The following SORCS1 variants were observed in gnomAD, a reference collection of about 807,000 sequenced individuals.
SORCS1 encodes the protein sortilin related VPS10 domain containing receptor 1, also known as VPS10 domain-containing receptor SorCS1.
In SORCS1, 60 loss-of-function variants were observed where a neutral mutation model predicts 146.1. The observed-to-expected ratio is 0.41, with a 90% confidence interval of 0.33 to 0.51. SORCS1 has a LOEUF of 0.51. Among genes scored for constraint, SORCS1 ranks in the 20% least tolerant of loss-of-function variants. The pLI is 0.21. For missense variants in SORCS1, 1,352 were observed against 1,487.6 expected, an observed-to-expected ratio of 0.91 and a Z score of 1.50; for synonymous variants, 637 against 584.0, an observed-to-expected ratio of 1.09 and a Z score of -1.31.
At chr10:106,688,614 A>T (rs1473610705) in intron 9 of SORCS1, among the ~76,000 whole-genome samples, 1 of 152,144 alleles carries the variant, frequency 6.6e-6, no homozygotes, top group African/African-American at 2.4e-5. Flanking sequence ...AGGAGCCCGC[A>T]GTTGCCAAGA....
rs961953918 is a variant in SORCS1 at position 106,677,458 on chromosome 10, G to C, written c.1741-54C>G. 1.3e-5 allele frequency: 20 copies of C among 1,485,092 alleles called. No individual in the cohort carries two copies. The Admixed American group carries it at 1.4e-4, about 10-fold the overall frequency. 92.0% of individuals were successfully genotyped at this position (1,485,092 alleles called of 1,614,324 possible). ...CACATCCACATCCACACATACCCAG[G>C]CTTCAGAGAATCAGTCTTCACATGA... is the stretch of plus-strand genomic sequence containing the variant. On this transcript the variant is annotated intron_variant, in intron 12 of 25. Coordinates refer to ENST00000263054, the MANE Select transcript of SORCS1 (RefSeq NM_052918.5).
intron 1 of SORCS1, among the ~76,000 whole-genome samples, chr10:106,984,013 A>C (rs1956346594): frequency 6.6e-6 from 1 of 152,240 alleles, no homozygotes; most frequent in Non-Finnish European, 1.5e-5. Context: ...CCAGTTATTA[A>C]AAAATTGTAA....
chr10:106,666,071 A>G (rs912446191), intron 17 of SORCS1, among the ~76,000 whole-genome samples: 1 of 152,110 alleles, frequency 6.6e-6, no homozygotes, highest in Admixed American at 6.6e-5. Context: ...CGATCTCCTG[A>G]CCTTGTGATC....
intron 18 of SORCS1, 35 bp from the exon 19 acceptor site, chr10:106,629,423 A>G (rs1438654102): frequency 6.2e-7 from 1 of 1,606,966 alleles, no homozygotes; most frequent in Non-Finnish European, 8.5e-7. Flanking sequence ...GAAATGAGTT[A>G]GTATTCGGCT....
intron 8 of SORCS1, among the ~76,000 whole-genome samples, chr10:106,706,016 T>C (rs1231971579): frequency 6.6e-6 from 1 of 152,094 alleles, no homozygotes; most frequent in East Asian, 1.9e-4. Context: ...CAACTGATAA[T>C]CAAATGGGAC....
chr10:106,888,271 T>C (rs918905965), intron 2 of SORCS1, among the ~76,000 whole-genome samples: 13 of 152,230 alleles, frequency 8.5e-5, no homozygotes, highest in African/African-American at 3.1e-4. Context: ...TCTAACTTCA[T>C]AGTCTCCTTA....
chr10:106,728,399 GC>G (rs1856359021), intron 6 of SORCS1, among the ~76,000 whole-genome samples: 1 of 152,170 alleles, frequency 6.6e-6, no homozygotes, highest in East Asian at 1.9e-4. Context: ...ACCAGAGCGA[GC>G]CCCCTGAGGA....
intron 3 of SORCS1, among the ~76,000 whole-genome samples, chr10:106,778,209 T>C (rs1039872271): frequency 6.6e-6 from 1 of 152,114 alleles, no homozygotes; most frequent in African/African-American, 2.4e-5. Flanking sequence ...AATTTAAGGT[T>C]CCTTGCTGTT....
the SORCS1 span, among the ~76,000 whole-genome samples, chr10:107,177,590 A>ATTTTT: frequency 6.6e-6 from 1 of 152,170 alleles, no homozygotes; most frequent in Non-Finnish European, 1.5e-5. Context: ...TGCTAAAATA[A>ATTTTT]TTAATTTTTT....
At chr10:106,746,939 G>C (rs1175597196) in intron 5 of SORCS1, among the ~76,000 whole-genome samples, 2 of 152,226 alleles carry the variant, frequency 1.3e-5, no homozygotes. Context: ...TGTTCCCTGG[G>C]ATGGTGAAGC....
At chr10:106,926,826 TATACACACACACACACAC>T (rs201011626) in intron 2 of SORCS1, among the ~76,000 whole-genome samples, 87 of 140,210 alleles carry the variant, frequency 6.2e-4, no homozygotes, top group African/African-American at 1.8e-3. Flanking sequence ...AAGGAATATA[TATACACACACACACACAC>T]ACACACACAC....
intron 23 of SORCS1, among the ~76,000 whole-genome samples, chr10:106,603,803 C>G (rs769175030): frequency 1.3e-5 from 2 of 152,162 alleles, no homozygotes; most frequent in Non-Finnish European, 2.9e-5. Context: ...AAGTCAGTTG[C>G]GTTTGCCTCC....
chr10:106,878,777 G>A (rs75162790), intron 2 of SORCS1, among the ~76,000 whole-genome samples: 14,183 of 150,070 alleles, frequency 0.095, 899 homozygotes, highest in Non-Finnish European at 0.14. Flanking sequence ...AAAATTTCTA[G>A]GTTTTTTGCA....
At chr10:106,639,821 C>T (rs1848951043) in intron 18 of SORCS1, among the ~76,000 whole-genome samples, 1 of 152,052 alleles carries the variant, frequency 6.6e-6, no homozygotes, top group Non-Finnish European at 1.5e-5. Flanking sequence ...AGATCGAGAC[C>T]ATCCTGGCCA....
chr10:106,727,094 A>G (rs914722964), intron 6 of SORCS1, among the ~76,000 whole-genome samples: 6 of 151,980 alleles, frequency 3.9e-5, no homozygotes, highest in African/African-American at 9.6e-5. Context: ...TCAAAAAAAA[A>G]AAAAAAGAAA....
chr10:107,018,630 A>G (rs1208128074), intron 1 of SORCS1, among the ~76,000 whole-genome samples: 2 of 151,892 alleles, frequency 1.3e-5, no homozygotes, highest in Non-Finnish European at 2.9e-5. Context: ...TTTTTTTGTT[A>G]TAAGTGCCTC....
intron 4 of SORCS1, among the ~76,000 whole-genome samples, chr10:106,769,510 G>T (rs1015884973): frequency 6.7e-6 from 1 of 148,988 alleles, no homozygotes; most frequent in Non-Finnish European, 1.5e-5. Context: ...AAGAAAGAAA[G>T]AAAGGAACAA....
chr10:107,090,733 C>A (rs76351612), intron 1 of SORCS1, among the ~76,000 whole-genome samples: 3 of 152,078 alleles, frequency 2.0e-5, no homozygotes, highest in South Asian at 4.1e-4. Context: ...ATTGACTATA[C>A]GCATAATTTG....
chr10:106,655,014 G>A (rs11592826), intron 17 of SORCS1, among the ~76,000 whole-genome samples: 8 of 152,064 alleles, frequency 5.3e-5, no homozygotes, highest in African/African-American at 7.2e-5. Flanking sequence ...GTGCCACCAC[G>A]AATGGCTAAT....
Sources: allele counts gnomAD v4.1 joint callset (sites outside exome capture counted in the v4.1 genomes callset), GRCh38; gene constraint gnomAD v4.1.1; transcripts MANE v1.5; gene names NCBI Gene and HGNC (gene_info 2026-07-23, HGNC 2026-07-21).